Variants in GALNT18 observed in about 807,000 individuals in gnomAD.
GALNT18 encodes GalNAc-transferase 18.
A neutral mutation model predicts 69.5 loss-of-function variants in GALNT18; 44 were observed. That is an observed-to-expected ratio of 0.63 (90% CI 0.50 to 0.81). The LOEUF (loss-of-function observed/expected upper bound fraction) is 0.81, where lower values mean the gene tolerates loss of function less well. GALNT18 is among the 40% of genes least tolerant of loss of function. The pLI, the probability that GALNT18 is intolerant of heterozygous loss-of-function variation, is 0.00. For missense variants in GALNT18, 715 were observed against 810.0 expected, an observed-to-expected ratio of 0.88 and a Z score of 1.42; for synonymous variants, 364 against 318.2, an observed-to-expected ratio of 1.14 and a Z score of -1.53.
rs945532710 is a variant in GALNT18, at chr11:11,555,724, G to A, written c.235+65635C>T. 6.6e-6 allele frequency among the ~76,000 whole-genome samples: 1 copy of A among 152,176 alleles called. No homozygotes were observed. The highest frequency in any genetic ancestry group is 1.5e-5 in the Non-Finnish European group (1 of 68,032). On this transcript the variant is annotated intron_variant, in intron 1 of 10. Transcript: ENST00000227756. This position sits in a 1 kb window ranked among gnomAD's most constrained non-coding sequence, Gnocchi z 4.7. Reference sequence around the variant, plus strand: ...AATGGTCAAGCCTTCCTGCAAGGGTGCACCTCCCTCAGCCAGAACCTCCTC... The same window carrying A: ...AATGGTCAAGCCTTCCTGCAAGGGTACACCTCCCTCAGCCAGAACCTCCTC...
In GALNT18 at chr11:11,617,818, T is replaced by G. The variant is rs1860093629; in HGVS notation, c.235+3541A>C. On this transcript the variant is annotated intron_variant, in intron 1 of 10. Transcript: ENST00000227756. This position sits in a 1 kb window ranked among gnomAD's most constrained non-coding sequence, Gnocchi z 4.7. Reference sequence around the variant, plus strand: ...ACTGAGAACTCCTTTAGCAGATTCTTGCTTCATCCGCCTCACCGTGTCAAG... The same window carrying G: ...ACTGAGAACTCCTTTAGCAGATTCTGGCTTCATCCGCCTCACCGTGTCAAG... 6.6e-6 allele frequency among the ~76,000 whole-genome samples: 1 copy of G among 152,236 alleles called. No homozygotes were observed. The highest frequency in any genetic ancestry group is 6.5e-5 in the Admixed American group (1 of 15,280).
intron 10 of GALNT18, among the ~76,000 whole-genome samples, chr11:11,285,849 CTT>C (rs1849182148): frequency 6.6e-6 from 1 of 152,182 alleles, no homozygotes; most frequent in Non-Finnish European, 1.5e-5. Context: ...ATAGATTCGT[CTT>C]TGCGTGCGTT....
At chr11:11,558,422 G>A (rs1858385641) in intron 1 of GALNT18, among the ~76,000 whole-genome samples, 2 of 152,256 alleles carry the variant, frequency 1.3e-5, no homozygotes, top group African/African-American at 4.8e-5. Flanking sequence ...GCCTTAGTGT[G>A]TGTGCTTCAC....
intron 1 of GALNT18, among the ~76,000 whole-genome samples, chr11:11,456,986 C>G (rs1465217772): frequency 6.6e-6 from 1 of 152,164 alleles, no homozygotes; most frequent in African/African-American, 2.4e-5. Context: ...AAGCTTTGAG[C>G]AATGAATGCA....
chr11:11,566,468 G>A (rs551351435), intron 1 of GALNT18, among the ~76,000 whole-genome samples: 34 of 152,326 alleles, frequency 2.2e-4, no homozygotes, highest in South Asian at 6.2e-4. Flanking sequence ...ATTCCCCTGA[G>A]TGTGATAAAT....
chr11:11,518,702 CT>C (rs1857333535), intron 1 of GALNT18, among the ~76,000 whole-genome samples: 1 of 152,220 alleles, frequency 6.6e-6, no homozygotes, highest in Non-Finnish European at 1.5e-5. Context: ...TGGTCTCTGG[CT>C]TTTCATTAAG....
intron 10 of GALNT18, among the ~76,000 whole-genome samples, chr11:11,291,091 T>C (rs1417248963): frequency 6.6e-6 from 1 of 152,092 alleles, no homozygotes; most frequent in Non-Finnish European, 1.5e-5. Context: ...AGGAGGGAAA[T>C]GTAGCCTCAT....
At chr11:11,441,147 T>C (rs1235930947) in intron 2 of GALNT18, among the ~76,000 whole-genome samples, 1 of 152,190 alleles carries the variant, frequency 6.6e-6, no homozygotes, top group Non-Finnish European at 1.5e-5. Context: ...CCTCCCTCTT[T>C]TAAAACATTA....
chr11:11,576,736 G>A (rs892220408), intron 1 of GALNT18, among the ~76,000 whole-genome samples: 4 of 152,222 alleles, frequency 2.6e-5, no homozygotes, highest in African/African-American at 9.7e-5. Context: ...TAATGAGATC[G>A]GGGTCTGCGT....
chr11:11,456,212 C>T (rs907454722), intron 1 of GALNT18, among the ~76,000 whole-genome samples: 3 of 152,180 alleles, frequency 2.0e-5, no homozygotes, highest in Non-Finnish European at 4.4e-5. Context: ...CATTGCACTG[C>T]ACCTACCTCT....
chr11:11,310,133 A>G (rs1351221590), intron 9 of GALNT18, among the ~76,000 whole-genome samples: 1 of 152,168 alleles, frequency 6.6e-6, no homozygotes, highest in African/African-American at 2.4e-5. Context: ...TTCCTCAGAT[A>G]GAGGTTTTCT....
At chr11:11,545,509 C>T (rs1318287895) in intron 1 of GALNT18, among the ~76,000 whole-genome samples, 1 of 152,202 alleles carries the variant, frequency 6.6e-6, no homozygotes, top group Non-Finnish European at 1.5e-5. Flanking sequence ...GGCAGGTATG[C>T]AGGCCACATT....
chr11:11,506,193 C>A (rs953454720), intron 1 of GALNT18, among the ~76,000 whole-genome samples: 2 of 152,188 alleles, frequency 1.3e-5, no homozygotes, highest in African/African-American at 4.8e-5. Flanking sequence ...GCATACAGCT[C>A]CTCTGGCAAG....
At chr11:11,278,840 CTA>C (rs1430656135) in intron 10 of GALNT18, among the ~76,000 whole-genome samples, 3 of 152,150 alleles carry the variant, frequency 2.0e-5, no homozygotes, top group African/African-American at 4.8e-5. Flanking sequence ...TTTAAAATAA[CTA>C]AAAGTAGAAT....
chr11:11,535,537 T>C (rs899535149), intron 1 of GALNT18, among the ~76,000 whole-genome samples: 2 of 152,168 alleles, frequency 1.3e-5, no homozygotes, highest in African/African-American at 4.8e-5. Flanking sequence ...CTGGTTCTCA[T>C]GGGCTCCATT....
chr11:11,448,705 A>T, intron 2 of GALNT18, 39 bp downstream of exon 2: 1 of 1,558,654 alleles, frequency 6.4e-7, no homozygotes, highest in Non-Finnish European at 8.7e-7. Flanking sequence ...ATCTCCCCAT[A>T]GGCAGGTCGA....
intron 5 of GALNT18, among the ~76,000 whole-genome samples, chr11:11,376,753 G>A (rs1176664782): frequency 1.3e-5 from 2 of 151,920 alleles, no homozygotes; most frequent in Non-Finnish European, 2.9e-5. Flanking sequence ...TCTTCTACTC[G>A]CCTTCAAAAA....
rs145122557 is a variant in GALNT18 at position 11,383,816 on chromosome 11, CCTCTCTCT to C, written c.596-4560_596-4553del. Among the ~76,000 whole-genome samples, 7 of 147,708 alleles carry C rather than the reference CCTCTCTCT, an allele frequency of 4.7e-5. No individual in the cohort carries two copies. Among genetic ancestry groups the C allele is most frequent in the South Asian group, 2.2e-4 (1 of 4,558 alleles). On this transcript the variant is annotated intron_variant, in intron 3 of 10. Coordinates refer to ENST00000227756, the MANE Select transcript of GALNT18 (RefSeq NM_198516.3). This position sits in a 1 kb window ranked among gnomAD's most constrained non-coding sequence, Gnocchi z 5.2. ...ATCTGATGGTTTAAGTGTGGCACTT[CCTCTCTCT>C]CTCTCTCTCTCTCTCTGTCTCTCTC... is the stretch of plus-strand genomic sequence containing the variant.
chr11:11,462,599 T>G (rs1590024633), intron 1 of GALNT18, among the ~76,000 whole-genome samples: 1 of 152,076 alleles, frequency 6.6e-6, no homozygotes, highest in East Asian at 1.9e-4. Context: ...GGCCCTTCCT[T>G]TTCTTTAGGC....
Sources: gnomAD v4.1 joint callset for allele counts (sites outside exome capture counted in the v4.1 genomes callset) on GRCh38, gnomAD v4.1.1 for gene constraint, Gnocchi (gnomAD v3.1) non-coding constraint, MANE v1.5 for transcripts, NCBI Gene and HGNC (gene_info 2026-07-23, HGNC 2026-07-21) for gene names.